RAB7B: variants seen among roughly 807,000 people sequenced by gnomAD.
RAB7B encodes RAB7B, member RAS oncogene family, also known as ras-related protein Rab-7b.
intron 5 of RAB7B, among the ~76,000 whole-genome samples, chr1:205,982,456 G>A (rs1660513083): frequency 6.6e-6 from 1 of 152,156 alleles, no homozygotes; most frequent in African/African-American, 2.4e-5. Flanking sequence ...CCTCTCGGCA[G>A]CACGAAGCTC....
At chr1:205,999,339 T>C (rs1651879600) in intron 1 of RAB7B, among the ~76,000 whole-genome samples, 1 of 152,210 alleles carries the variant, frequency 6.6e-6, no homozygotes, top group South Asian at 2.1e-4. Flanking sequence ...AAGTTACCAA[T>C]TGAAATCTTA....
At position 205,976,919 on chromosome 1, in the gene RAB7B, C is replaced by G. The variant is rs2102628179; in HGVS notation, c.*1932G>C. ...TCCCATGAGGGCGCATCATGTTTCC[C>G]AGGAGCTCTGAAGGACACAGATAGA... On this transcript the variant is annotated 3_prime_UTR_variant, in exon 6 of 6. Transcript: ENST00000617070. The G allele has an allele frequency of 6.6e-6, 1 of 152,282 alleles. No homozygotes were observed. Among genetic ancestry groups the G allele is most frequent in the East Asian group, 1.9e-4 (1 of 5,178 alleles). 9.4% of individuals were successfully genotyped at this position (152,282 alleles called of 1,614,324 possible).
intron 4 of RAB7B, among the ~76,000 whole-genome samples, chr1:205,991,720 C>T (rs1401834898): frequency 6.6e-6 from 1 of 152,218 alleles, no homozygotes; most frequent in African/African-American, 2.4e-5. Flanking sequence ...AGTTCCCCAT[C>T]ACACTAAAAA....
rs1465906951 is a variant in RAB7B at position 205,977,595 on chromosome 1, A to T, written c.*1256T>A. 2.6e-5 allele frequency: 4 copies of T among 152,162 alleles called. No individual in the cohort carries two copies. The highest frequency in any genetic ancestry group is 9.7e-5 in the African/African-American group (4 of 41,412). The allele number at this position is 152,162 out of a possible 1,614,324, so 9.4% of individuals were successfully genotyped here. A position where few individuals can be genotyped will look rare whatever the true frequency, so the allele number is the denominator to read the frequency against. ...CTGCCCTCTGGTGGTCAGGCAGCAG[A>T]GCATCTAGGAGCCACCCAAGGGAGC... On this transcript the variant is annotated 3_prime_UTR_variant, in exon 6 of 6. Transcript: ENST00000617070.
intron 1 of RAB7B, among the ~76,000 whole-genome samples, chr1:206,000,331 A>C (rs1256377759): frequency 2.0e-5 from 3 of 152,242 alleles, no homozygotes; most frequent in Non-Finnish European, 1.5e-5. Context: ...TCAAATAATC[A>C]CTTAACATTT....
At chr1:205,993,887 A>C (rs1385177389) in intron 2 of RAB7B, among the ~76,000 whole-genome samples, 196 bp downstream of exon 2, 1 of 152,214 alleles carries the variant, frequency 6.6e-6, no homozygotes, top group Non-Finnish European at 1.5e-5. Flanking sequence ...GAGTCACTGC[A>C]GATCTAGGAC....
intron 5 of RAB7B, among the ~76,000 whole-genome samples, chr1:205,985,075 A>G (rs1333448145): frequency 6.6e-6 from 1 of 152,126 alleles, no homozygotes; most frequent in Non-Finnish European, 1.5e-5. Flanking sequence ...CACTCAACAC[A>G]TTCTTGCCGA....
intron 1 of RAB7B, among the ~76,000 whole-genome samples, chr1:205,997,267 G>A (rs999282742): frequency 9.2e-5 from 14 of 152,278 alleles, no homozygotes; most frequent in South Asian, 2.1e-4. Flanking sequence ...CCCACCACAC[G>A]GAGTCACCAA....
intron 3 of RAB7B, 147 bp from the exon 4 acceptor site, chr1:205,992,842 C>T (rs1660748798): frequency 7.6e-6 from 3 of 396,724 alleles, no homozygotes; most frequent in Admixed American, 4.4e-5. Flanking sequence ...CACCGTGGCA[C>T]GTTGACCCTC....
intron 4 of RAB7B, among the ~76,000 whole-genome samples, chr1:205,987,287 C>T (rs1204654840): frequency 3.3e-5 from 5 of 152,120 alleles, no homozygotes; most frequent in East Asian, 1.9e-4. Flanking sequence ...ATAACTTAGG[C>T]TCTGACTCTG....
chr1:205,993,574 C>CACACACATGCAA (rs1660761576), intron 2 of RAB7B, 28 bp from the exon 3 acceptor site: 2 of 398,432 alleles, frequency 5.0e-6, no homozygotes, highest in Non-Finnish European at 8.8e-6. Flanking sequence ...CACATGTGAA[C>CACACACATGCAA]ACACACATGC....
intron 5 of RAB7B, among the ~76,000 whole-genome samples, chr1:205,979,491 C>T (rs1047443965): frequency 5.3e-5 from 8 of 152,132 alleles, no homozygotes; most frequent in African/African-American, 9.7e-5. Flanking sequence ...AGCCCCTTCT[C>T]GGTCTGCCAA....
intron 3 of RAB7B, among the ~76,000 whole-genome samples, chr1:205,993,148 C>G (rs963570473): frequency 2.5e-3 from 376 of 152,256 alleles, no homozygotes; most frequent in African/African-American, 8.6e-3. Context: ...TTAGGCTTTG[C>G]AGGTCATTCT....
At chr1:205,982,226 G>A (rs1427965107) in intron 5 of RAB7B, among the ~76,000 whole-genome samples, 1 of 152,184 alleles carries the variant, frequency 6.6e-6, no homozygotes, top group East Asian at 1.9e-4. Flanking sequence ...CGTATTGCTT[G>A]GCTCATGGAA....
intron 1 of RAB7B, 43 bp downstream of exon 1, chr1:206,003,210 A>C (rs1294286578): frequency 1.3e-5 from 2 of 152,268 alleles, no homozygotes; most frequent in Non-Finnish European, 2.9e-5. Context: ...CCAGGGCTGC[A>C]GGGGCAGACA....
chr1:206,003,243 G>A lies in RAB7B; in HGVS notation c.-17+10C>T, dbSNP rs1660916654. 1 of 152,312 alleles carries A rather than the reference G, an allele frequency of 6.6e-6. No homozygotes were observed. Among genetic ancestry groups the A allele is most frequent in the Non-Finnish European group, 1.5e-5 (1 of 68,152 alleles). The allele number at this position is 152,312 out of a possible 1,614,324, so 9.4% of individuals were successfully genotyped here. A position where few individuals can be genotyped will look rare whatever the true frequency, so the allele number is the denominator to read the frequency against. On this transcript the variant is annotated intron_variant, in intron 1 of 5. Transcript: ENST00000617070. ...ACAGAAGCACTGAGACAAGCTCCCG[G>A]GGCACTTACAGCTGTGGCTGTGCAG...
At chr1:205,989,132 T>TCTCCTCACCC (rs1195870976) in intron 4 of RAB7B, among the ~76,000 whole-genome samples, 1,788 of 151,076 alleles carry the variant, frequency 0.012, 33 homozygotes, top group African/African-American at 0.041. Context: ...TCCTCCATCC[T>TCTCCTCACCC]CTCCTCCATC....
chr1:205,993,349 G>T, intron 3 of RAB7B, 71 bp downstream of exon 3: 1 of 397,206 alleles, frequency 2.5e-6, no homozygotes, highest in South Asian at 1.3e-4. Flanking sequence ...ATTGCTACAT[G>T]AGTGGCTGTC....
At chr1:205,986,476 G>A (rs1024092257) in intron 4 of RAB7B, among the ~76,000 whole-genome samples, 2 of 152,218 alleles carry the variant, frequency 1.3e-5, no homozygotes, top group Admixed American at 1.3e-4. Context: ...TGGCATCTGA[G>A]CTGCCCTCTA....
Sources: gnomAD v4.1 joint callset for allele counts (sites outside exome capture counted in the v4.1 genomes callset) on GRCh38, gnomAD v4.1.1 for gene constraint, MANE v1.5 for transcripts, NCBI Gene and HGNC (gene_info 2026-07-23, HGNC 2026-07-21) for gene names.